Variants in GRIP1 observed in about 807,000 individuals in gnomAD.
The protein encoded by GRIP1 is glutamate receptor-interacting protein 1.
GRIP1 carries 45 observed loss-of-function variants against 129.9 expected under a neutral mutation model. The observed-to-expected ratio is 0.35, with a 90% CI of 0.27 to 0.44. The LOEUF (loss-of-function observed/expected upper bound fraction) is 0.44, where lower values mean the gene tolerates loss of function less well. GRIP1 is among the 20% of genes least tolerant of loss of function. GRIP1 has a pLI of 1.00. For synonymous variants in GRIP1, 530 were observed against 520.8 expected, an observed-to-expected ratio of 1.02 and a Z score of -0.24; for missense variants, 1,196 against 1,396.8, an observed-to-expected ratio of 0.86 and a Z score of 2.29.
chr12:66,348,710 TAGTA>T lies in GRIP1; in HGVS notation c.*305_*308del, dbSNP rs2054088325. On this transcript the variant is annotated 3_prime_UTR_variant, in exon 25 of 25. Transcript: ENST00000359742. ...AGATGTTTCTCTTTTTAAAAAGTGATAGTAAGATGAACTTGTAAAAAATTTCCTC... is the reference window on the plus strand; with the variant it reads ...AGATGTTTCTCTTTTTAAAAAGTGATAGATGAACTTGTAAAAAATTTCCTC... 1 of 348,082 alleles carries T rather than the reference TAGTA, an allele frequency of 2.9e-6. No homozygotes were observed. Among genetic ancestry groups the T allele is most frequent in the African/African-American group, 2.1e-5 (1 of 48,720 alleles). The allele number at this position is 348,082 out of a possible 1,614,324, so 21.6% of individuals were successfully genotyped here.
chr12:66,910,882 A>G (rs2041018316), intron 1 of GRIP1, among the ~76,000 whole-genome samples: 1 of 152,116 alleles, frequency 6.6e-6, no homozygotes, highest in African/African-American at 2.4e-5. Context: ...TATCACTTTT[A>G]CATACTGGAT....
chr12:66,792,143 G>T (rs540987566), intron 1 of GRIP1, among the ~76,000 whole-genome samples: 3 of 152,166 alleles, frequency 2.0e-5, no homozygotes, highest in Non-Finnish European at 2.9e-5. Context: ...CAAAGCAAAA[G>T]AACTGATTTG....
chr12:66,856,971 C>T (rs545885649), intron 1 of GRIP1, among the ~76,000 whole-genome samples: 51 of 152,242 alleles, frequency 3.3e-4, no homozygotes, highest in Admixed American at 2.4e-3. Context: ...TTGGAACCAA[C>T]CCAAATGTCC....
chr12:66,554,512 G>C (rs1264293603), intron 2 of GRIP1, among the ~76,000 whole-genome samples: 7 of 152,078 alleles, frequency 4.6e-5, no homozygotes, highest in African/African-American at 1.7e-4. Flanking sequence ...GAGAAAAACA[G>C]AGGAAGAGTG....
At chr12:67,061,990 C>T (rs983236715) in intron 1 of GRIP1, among the ~76,000 whole-genome samples, 1 of 152,096 alleles carries the variant, frequency 6.6e-6, no homozygotes, top group Non-Finnish European at 1.5e-5. Context: ...TTCATGTTTC[C>T]GACATTTACC....
At chr12:66,769,077 G>A (rs1336064773) in intron 1 of GRIP1, among the ~76,000 whole-genome samples, 1 of 152,166 alleles carries the variant, frequency 6.6e-6, no homozygotes, top group Admixed American at 6.5e-5. Flanking sequence ...AGCTGGTTGG[G>A]CCCCACCCCC....
chr12:66,746,248 A>G (rs1301619358), intron 1 of GRIP1, among the ~76,000 whole-genome samples: 1 of 152,214 alleles, frequency 6.6e-6, no homozygotes, highest in Non-Finnish European at 1.5e-5. Flanking sequence ...GAGCTAAAAG[A>G]AAATTTATAA....
chr12:66,543,750 A>G (rs2061859984), intron 2 of GRIP1, among the ~76,000 whole-genome samples: 1 of 152,188 alleles, frequency 6.6e-6, no homozygotes, highest in African/African-American at 2.4e-5. Context: ...GTGCCCAACA[A>G]TTTTGCCAAC....
intron 7 of GRIP1, among the ~76,000 whole-genome samples, chr12:66,471,528 G>T (rs2059438294): frequency 6.6e-6 from 1 of 152,146 alleles, no homozygotes; most frequent in Non-Finnish European, 1.5e-5. Context: ...ATGATTAATT[G>T]TATGTTATGT....
intron 1 of GRIP1, among the ~76,000 whole-genome samples, chr12:66,836,153 T>C (rs2039609380): frequency 6.6e-6 from 1 of 152,214 alleles, no homozygotes; most frequent in Admixed American, 6.5e-5. Context: ...ACCCTCCTGC[T>C]GTGTTTCAGG....
chr12:66,802,738 T>C (rs1291223656), intron 1 of GRIP1, among the ~76,000 whole-genome samples: 1 of 152,198 alleles, frequency 6.6e-6, no homozygotes, highest in Non-Finnish European at 1.5e-5. Context: ...GCTCCTTTTA[T>C]TCAGTTTCTG....
chr12:66,830,019 T>C (rs139066853), intron 1 of GRIP1, among the ~76,000 whole-genome samples: 58 of 152,270 alleles, frequency 3.8e-4, no homozygotes, highest in Middle Eastern at 6.8e-3. Context: ...CCACATACCA[T>C]GCTGCAGGCT....
intron 1 of GRIP1, among the ~76,000 whole-genome samples, chr12:66,865,292 A>T (rs1049068169): frequency 2.0e-5 from 3 of 152,282 alleles, no homozygotes; most frequent in African/African-American, 7.2e-5. Flanking sequence ...CTTTGGACTA[A>T]ATCAAGATTT....
chr12:66,735,569 T>C (rs1465193754), intron 1 of GRIP1, among the ~76,000 whole-genome samples: 2 of 152,022 alleles, frequency 1.3e-5, no homozygotes, highest in Admixed American at 6.6e-5. Flanking sequence ...AGGGAAAATC[T>C]GATTAAACTT....
chr12:66,765,238 T>A (rs759597547), intron 1 of GRIP1, among the ~76,000 whole-genome samples: 13 of 152,140 alleles, frequency 8.5e-5, no homozygotes, highest in Non-Finnish European at 1.3e-4. Context: ...AAGTTGAAGA[T>A]GACCTCGGAG....
rs551279682 is a variant in GRIP1 at position 67,049,113 on chromosome 12, T to C, written c.58+19937A>G. Among the ~76,000 whole-genome samples the C allele has an allele frequency of 3.3e-5, 5 of 152,216 alleles. No individual in the cohort carries two copies. The South Asian group carries it at 8.3e-4, about 25-fold the overall frequency. On this transcript the variant is annotated intron_variant, in intron 1 of 1. Transcript: ENST00000643019. The stretch of plus-strand genomic sequence containing the variant: ...GTGCTAGGATTACAGACACAAGCCA[T>C]TGCACTCAGAACCATGCACCGTTCT...
intron 1 of GRIP1, among the ~76,000 whole-genome samples, chr12:66,848,157 T>C (rs1327367867): frequency 6.6e-6 from 1 of 152,116 alleles, no homozygotes; most frequent in African/African-American, 2.4e-5. Flanking sequence ...GTAATAATCT[T>C]CAGTTCTTTC....
chr12:66,737,780 G>A (rs2036654082), intron 1 of GRIP1, among the ~76,000 whole-genome samples: 1 of 151,986 alleles, frequency 6.6e-6, no homozygotes, highest in South Asian at 2.1e-4. Flanking sequence ...CCCACCAGGT[G>A]CCAGGTGTTA....
chr12:66,420,771 G>T lies in GRIP1; in HGVS notation c.1787C>A (p.Pro596Gln). The stretch of plus-strand genomic sequence containing the variant: ...ATCTGAAATGACGAGGGGGTCTCCT[G>T]GTTTTCTACTGGATGGTGCTGTAAT... Reference protein sequence around the residue: ...ITISSPSSRKPGDPLVISDIK... With the variant: ...ITISSPSSRKQGDPLVISDIK... Residue 596 changes from proline (P) to glutamine (Q), a missense_variant, in exon 15 of 25, where the codon CCA becomes CAA. By Grantham distance (76) the Pro-to-Gln change is moderately conservative (BLOSUM62 -1). This residue lies in a region of GRIP1 where 508 missense variants were observed against 587.0 expected (regional missense o/e 0.87). Transcript: ENST00000359742. 1 of 1,578,272 alleles carries T rather than the reference G, an allele frequency of 6.3e-7. No individual in the cohort carries two copies. Among genetic ancestry groups the T allele is most frequent in the Non-Finnish European group, 8.7e-7 (1 of 1,147,280 alleles).
Sources: gnomAD v4.1 joint callset for allele counts (sites outside exome capture counted in the v4.1 genomes callset) on GRCh38, gnomAD v4.1.1 for gene constraint, gnomAD v4.1.1 regional missense constraint, MANE v1.5 for transcripts, NCBI Gene and HGNC (gene_info 2026-07-23, HGNC 2026-07-21) for gene names.